CACNA2D3: variants seen among roughly 807,000 people sequenced by gnomAD.
CACNA2D3 encodes the protein calcium voltage-gated channel auxiliary subunit alpha2delta 3.
CACNA2D3 carries 60 observed loss-of-function variants against 160.6 expected under a neutral mutation model. That is an observed-to-expected ratio of 0.37 (90% CI 0.30 to 0.46). The LOEUF (loss-of-function observed/expected upper bound fraction) is 0.46. CACNA2D3 is among the 20% of genes least tolerant of loss of function. CACNA2D3 has a pLI of 1.00. For synonymous variants in CACNA2D3, 558 were observed against 492.9 expected (o/e 1.13, Z -1.75); for missense variants, 1,205 against 1,365.0 (o/e 0.88, Z 1.85).
chr3:54,312,695 G>T lies in CACNA2D3; in HGVS notation c.205-7747G>T, dbSNP rs114995553. 4.0e-3 allele frequency among the ~76,000 whole-genome samples: 611 copies of T among 152,276 alleles called. 9 individuals carry two copies. The highest frequency in any genetic ancestry group is 0.014 in the African/African-American group (571 of 41,546). ...CCTTCCCAAATGATAAATGTTCTTGGCTCACCACAGGATTTCTTGCCAAAT... is the reference window on the plus strand; with the variant it reads ...CCTTCCCAAATGATAAATGTTCTTGTCTCACCACAGGATTTCTTGCCAAAT... On this transcript the variant is annotated intron_variant, in intron 2 of 37. Coordinates refer to ENST00000474759, the MANE Select transcript of CACNA2D3 (RefSeq NM_018398.3).
chr3:54,589,742 C>T (rs1366490764), intron 9 of CACNA2D3, among the ~76,000 whole-genome samples: 1 of 151,962 alleles, frequency 6.6e-6, no homozygotes, highest in Non-Finnish European at 1.5e-5. Flanking sequence ...GGGCAAAAGC[C>T]ATGAATAGAC....
chr3:54,945,002 G>A (rs543611782), intron 27 of CACNA2D3, among the ~76,000 whole-genome samples: 56 of 152,198 alleles, frequency 3.7e-4, no homozygotes, highest in Middle Eastern at 6.8e-3. Flanking sequence ...TTTACTATTG[G>A]GTGAATCAAT....
intron 10 of CACNA2D3, among the ~76,000 whole-genome samples, chr3:54,641,132 A>C (rs533652503): frequency 2.8e-4 from 43 of 152,146 alleles, no homozygotes; most frequent in Admixed American, 1.1e-3. Context: ...GTGCAGCCTC[A>C]AGGGGTCCTG....
At chr3:54,657,978 A>G (rs1699904422) in intron 11 of CACNA2D3, among the ~76,000 whole-genome samples, 1 of 152,244 alleles carries the variant, frequency 6.6e-6, no homozygotes, top group African/African-American at 2.4e-5. Flanking sequence ...AGATTGCACC[A>G]CTGCTTTCCT....
intron 4 of CACNA2D3, among the ~76,000 whole-genome samples, chr3:54,462,923 C>G (rs1035748783): frequency 1.3e-5 from 2 of 149,838 alleles, no homozygotes; most frequent in African/African-American, 4.9e-5. Flanking sequence ...CCGGTTGTTC[C>G]TTTCCATGTT....
intron 2 of CACNA2D3, among the ~76,000 whole-genome samples, chr3:54,231,297 G>A (rs1353326386): frequency 6.6e-6 from 1 of 152,128 alleles, no homozygotes; most frequent in African/African-American, 2.4e-5. Flanking sequence ...GAGTTACAAA[G>A]CCTGCCTTCT....
intron 17 of CACNA2D3, among the ~76,000 whole-genome samples, chr3:54,861,514 A>C (rs1285117192): frequency 6.6e-6 from 1 of 152,008 alleles, no homozygotes; most frequent in Non-Finnish European, 1.5e-5. Context: ...GGACATGAGG[A>C]GCTATGAGGA....
chr3:54,809,623 C>CTTCTTTCT (rs138945901), intron 13 of CACNA2D3, among the ~76,000 whole-genome samples: 59 of 148,822 alleles, frequency 4.0e-4, no homozygotes, highest in African/African-American at 1.4e-3. Flanking sequence ...CGGCCCCTTC[C>CTTCTTTCT]TTCTTTCTTT....
intron 2 of CACNA2D3, among the ~76,000 whole-genome samples, chr3:54,220,738 A>G (rs1359458790): frequency 6.6e-6 from 1 of 152,152 alleles, no homozygotes; most frequent in African/African-American, 2.4e-5. Flanking sequence ...TCTGGTTACA[A>G]CCGTGACACG....
At chr3:54,434,149 G>T (rs1700028600) in intron 4 of CACNA2D3, among the ~76,000 whole-genome samples, 2 of 152,178 alleles carry the variant, frequency 1.3e-5, no homozygotes, top group South Asian at 2.1e-4. Context: ...GTCAGTGGGG[G>T]CCACTAGTGA....
At chr3:54,220,276 T>A (rs1434188474) in intron 2 of CACNA2D3, among the ~76,000 whole-genome samples, 1 of 152,216 alleles carries the variant, frequency 6.6e-6, no homozygotes, top group Non-Finnish European at 1.5e-5. Flanking sequence ...ATTGCTCTTA[T>A]CAGTTAGGTT....
At chr3:54,464,551 A>G in intron 4 of CACNA2D3, among the ~76,000 whole-genome samples, 1 of 151,864 alleles carries the variant, frequency 6.6e-6, no homozygotes, top group South Asian at 2.1e-4. Flanking sequence ...AATCAGCAAG[A>G]CTCCGTGGGC....
intron 3 of CACNA2D3, among the ~76,000 whole-genome samples, chr3:54,375,228 G>A (rs756393233): frequency 2.0e-5 from 3 of 152,114 alleles, no homozygotes; most frequent in Non-Finnish European, 4.4e-5. Context: ...ATCATGTTGT[G>A]TTGCAGTTGT....
chr3:54,651,936 G>A (rs1224056309), intron 11 of CACNA2D3, among the ~76,000 whole-genome samples: 1 of 152,134 alleles, frequency 6.6e-6, no homozygotes, highest in Non-Finnish European at 1.5e-5. Context: ...CAATTTGGAA[G>A]GGATGTTTTG....
intron 27 of CACNA2D3, among the ~76,000 whole-genome samples, chr3:54,956,278 T>C (rs1295420558): frequency 2.0e-5 from 3 of 152,362 alleles, no homozygotes. Context: ...CGCATGGTCT[T>C]CCCTTGGCTG....
intron 11 of CACNA2D3, among the ~76,000 whole-genome samples, chr3:54,726,243 C>A (rs531598210): frequency 1.3e-5 from 2 of 151,960 alleles, no homozygotes; most frequent in Non-Finnish European, 2.9e-5. Context: ...TAAAAACCAG[C>A]GCTCAAGGAA....
intron 9 of CACNA2D3, among the ~76,000 whole-genome samples, chr3:54,621,892 T>G (rs1698994605): frequency 6.6e-6 from 1 of 152,242 alleles, no homozygotes; most frequent in Non-Finnish European, 1.5e-5. Flanking sequence ...GGTCCTTTCT[T>G]TTAGTGAATA....
chr3:54,821,684 CTTTCTTTCTTTCT>C lies in CACNA2D3; in HGVS notation c.1398+4817_1398+4829del, dbSNP rs1559594938. Among the ~76,000 whole-genome samples the C allele has an allele frequency of 7.7e-3, 1,016 of 131,234 alleles. 15 individuals carry two copies. Among genetic ancestry groups the C allele is most frequent in the African/African-American group, 0.028 (960 of 34,500 alleles). The allele number at this position is 131,234 out of a possible 152,430, so 86.1% of individuals were successfully genotyped here. On this transcript the variant is annotated intron_variant, in intron 14 of 37. Transcript: ENST00000474759. ...TCTTTCTTTCTTTCTTTCTTTCTTTCTTTCTTTCTTTCTTTCCTTCCTTCCTTCTTTCCTCTCT... is the reference window on the plus strand; with the variant it reads ...TCTTTCTTTCTTTCTTTCTTTCTTTCTTCCTTCCTTCCTTCTTTCCTCTCT...
intron 4 of CACNA2D3, among the ~76,000 whole-genome samples, chr3:54,452,575 C>A (rs1700327036): frequency 6.6e-6 from 1 of 152,162 alleles, no homozygotes. Flanking sequence ...TGTCTTGAAT[C>A]TCAAAATTAT....
Sources: gnomAD v4.1 joint callset for allele counts (sites outside exome capture counted in the v4.1 genomes callset) on GRCh38, gnomAD v4.1.1 for gene constraint, MANE v1.5 for transcripts, NCBI Gene and HGNC (gene_info 2026-07-23, HGNC 2026-07-21) for gene names.